CHD9: variants seen among roughly 807,000 people sequenced by gnomAD.
The protein encoded by CHD9 is chromodomain helicase DNA binding protein 9.
Under a neutral mutation model 316.1 loss-of-function variants are expected in CHD9, and 77 were observed. That is an observed-to-expected ratio of 0.24 (90% CI 0.20 to 0.29). The LOEUF (loss-of-function observed/expected upper bound fraction) is 0.29, where lower values mean the gene tolerates loss of function less well. Ranked by LOEUF, CHD9 falls within the 10% of genes least tolerant of loss-of-function variation. The pLI is 1.00. For synonymous variants in CHD9, 1,129 were observed against 1,158.3 expected (o/e 0.97, Z 0.51); for missense variants, 2,763 against 3,438.1 (o/e 0.80, Z 4.91).
rs1454682061 is a variant in CHD9 at position 53,292,915 on chromosome 16, A to C, written c.5373A>C (p.Ala1791=). 1 of 1,613,902 alleles carries C rather than the reference A, an allele frequency of 6.2e-7. No homozygotes were observed. The highest frequency in any genetic ancestry group is 2.2e-5 in the East Asian group (1 of 44,850). ...LTTRLRRLIT[A]YQRTNKNRQI... ...CACGTTTGAGGCGTCTCATCACTGC[A>C]TACCAGCGTACTAATAAAAACAGAC... is the stretch of plus-strand genomic sequence containing the variant. Residue 1791 remains alanine, a synonymous_variant, in exon 29 of 39, where the codon GCA becomes GCC. Coordinates refer to ENST00000447540, the MANE Select transcript of CHD9 (RefSeq NM_001308319.2).
At chr16:53,085,873 G>A (rs2035422204) in intron 1 of CHD9, among the ~76,000 whole-genome samples, 1 of 152,160 alleles carries the variant, frequency 6.6e-6, no homozygotes, top group South Asian at 2.1e-4. Flanking sequence ...CCTAAGGAAG[G>A]AATCAGGCCT....
At chr16:53,122,214 C>T (rs2038771246) in intron 1 of CHD9, 2 of 152,032 alleles carry the variant, frequency 1.3e-5, no homozygotes, top group African/African-American at 4.8e-5. Context: ...GTTTATTATT[C>T]ATAATGTATT....
rs758391914 is a variant in CHD9, at chr16:53,267,477, C to T, written c.4504C>T (p.Leu1502=). The change falls in exon 21 of 39, where the codon CTG becomes TTG. Residue 1502 remains leucine (L), a synonymous_variant. Transcript: ENST00000447540. ...TGAATGCTTTAGAGTTGAGAAAAAC[C>T]TGCTAGTTTATGGGTAAAACATTGT... The part of the protein sequence containing the change: ...RTECFRVEKN[L]LVYGWGRWRE... 1.9e-5 allele frequency: 30 copies of T among 1,591,106 alleles called. No individual in the cohort carries two copies. In the East Asian group the frequency reaches 6.3e-4, roughly 34 times the overall value.
At chr16:53,069,755 T>C (rs190266036) in intron 1 of CHD9, among the ~76,000 whole-genome samples, 47 of 152,344 alleles carry the variant, frequency 3.1e-4, no homozygotes, top group African/African-American at 1.1e-3. Context: ...TATATACCTA[T>C]AATGGAATTG....
intron 1 of CHD9, among the ~76,000 whole-genome samples, chr16:53,149,576 AT>A (rs199516824): frequency 0.13 from 17,495 of 130,304 alleles, 1,061 homozygotes; most frequent in South Asian, 0.22. Context: ...GTACCCAGCC[AT>A]TTTTTTTTTT....
chr16:53,154,348 GAAAA>G (rs966376915), intron 1 of CHD9, among the ~76,000 whole-genome samples: 14 of 152,084 alleles, frequency 9.2e-5, no homozygotes, highest in African/African-American at 2.9e-4. Context: ...CTTTTGTATG[GAAAA>G]CAATTTAATA....
intron 1 of CHD9, among the ~76,000 whole-genome samples, chr16:53,135,422 G>C (rs1294683040): frequency 6.6e-6 from 1 of 152,152 alleles, no homozygotes. Flanking sequence ...TACTACAGTA[G>C]TCCAGGAAAA....
At chr16:53,164,282 A>G (rs1406740363) in intron 2 of CHD9, among the ~76,000 whole-genome samples, 1 of 152,208 alleles carries the variant, frequency 6.6e-6, no homozygotes. Flanking sequence ...CAAACAAAAA[A>G]GCTCAACTAG....
intron 2 of CHD9, among the ~76,000 whole-genome samples, chr16:53,158,903 C>G: frequency 6.6e-6 from 1 of 152,160 alleles, no homozygotes; most frequent in East Asian, 1.9e-4. Context: ...TCCCAAAGTG[C>G]TGGGATTATA....
At chr16:53,174,836 C>T (rs563691064) in intron 2 of CHD9, among the ~76,000 whole-genome samples, 10 of 152,238 alleles carry the variant, frequency 6.6e-5, no homozygotes, top group African/African-American at 2.2e-4. Flanking sequence ...TTTTGAACTC[C>T]TTTGCATACC....
chr16:53,278,051 A>G (rs1194202862), intron 24 of CHD9, among the ~76,000 whole-genome samples: 1 of 152,108 alleles, frequency 6.6e-6, no homozygotes, highest in Non-Finnish European at 1.5e-5. Flanking sequence ...TACCTAACCA[A>G]GGACGTGAAA....
chr16:53,274,025 A>G (rs1474871512), intron 23 of CHD9, among the ~76,000 whole-genome samples, 188 bp from the exon 24 acceptor site: 1 of 152,190 alleles, frequency 6.6e-6, no homozygotes, highest in Admixed American at 6.5e-5. Flanking sequence ...TATATGAAAT[A>G]ATGATGATTA....
chr16:53,090,471 ATC>A (rs1323129277), intron 1 of CHD9, among the ~76,000 whole-genome samples: 1 of 152,180 alleles, frequency 6.6e-6, no homozygotes, highest in Non-Finnish European at 1.5e-5. Flanking sequence ...CAAGGTATTA[ATC>A]TCTCTGCACA....
chr16:53,229,151 A>T, intron 8 of CHD9, 51 bp downstream of exon 8: 1 of 843,566 alleles, frequency 1.2e-6, no homozygotes, highest in Non-Finnish European at 1.8e-6. Context: ...GAATACATGT[A>T]GCATTATTTA....
At chr16:53,232,884 A>G (rs938160345) in intron 10 of CHD9, among the ~76,000 whole-genome samples, 4 of 152,170 alleles carry the variant, frequency 2.6e-5, no homozygotes, top group Non-Finnish European at 5.9e-5. Flanking sequence ...TTTTCCATGT[A>G]CAATTACTAT....
At chr16:53,096,887 T>A (rs1419666062) in intron 1 of CHD9, among the ~76,000 whole-genome samples, 1 of 152,022 alleles carries the variant, frequency 6.6e-6, no homozygotes, top group East Asian at 1.9e-4. Context: ...GCTAACATGT[T>A]AGCTCAGGTC....
intron 2 of CHD9, among the ~76,000 whole-genome samples, chr16:53,196,007 C>T (rs967366490): frequency 6.6e-6 from 1 of 152,098 alleles, no homozygotes; most frequent in Non-Finnish European, 1.5e-5. Flanking sequence ...ATTCACTTGC[C>T]TCAGCCTCCC....
chr16:53,314,621 A>T, intron 35 of CHD9, 105 bp downstream of exon 35: 1 of 1,029,236 alleles, frequency 9.7e-7, no homozygotes, highest in Non-Finnish European at 1.4e-6. Flanking sequence ...TTAGTAAGGA[A>T]ATTAGAAGTA....
chr16:53,284,198 T>G (rs1448856728), intron 24 of CHD9, among the ~76,000 whole-genome samples: 1 of 152,122 alleles, frequency 6.6e-6, no homozygotes, highest in Non-Finnish European at 1.5e-5. Flanking sequence ...AAATTCTACT[T>G]TGTATAATTT....
Sources: gnomAD v4.1 joint callset for allele counts (sites outside exome capture counted in the v4.1 genomes callset) on GRCh38, gnomAD v4.1.1 for gene constraint, MANE v1.5 for transcripts, NCBI Gene and HGNC (gene_info 2026-07-23, HGNC 2026-07-21) for gene names.